KSR2: variants seen among roughly 807,000 people sequenced by gnomAD.
KSR2 encodes the protein kinase suppressor of ras 2.
Under a neutral mutation model 107.8 loss-of-function variants are expected in KSR2, and 25 were observed. The ratio of observed to expected loss-of-function variants is 0.23; its 90% CI spans 0.17 to 0.32. KSR2 has a LOEUF of 0.32. Ranked by LOEUF, KSR2 falls within the 10% of genes least tolerant of loss-of-function variation. The pLI is 1.00. For synonymous variants in KSR2, 480 were observed against 507.0 expected (o/e 0.95, Z 0.71); for missense variants, 887 against 1,268.9 (o/e 0.70, Z 4.57).
intron 2 of KSR2, among the ~76,000 whole-genome samples, chr12:117,858,340 T>C (rs1274619337): frequency 6.6e-6 from 1 of 152,168 alleles, no homozygotes; most frequent in Non-Finnish European, 1.5e-5. Context: ...TGTCTGTCCT[T>C]ATACAGGACC....
At chr12:117,556,990 C>A (rs926211324) in intron 8 of KSR2, among the ~76,000 whole-genome samples, 3 of 152,030 alleles carry the variant, frequency 2.0e-5, no homozygotes, top group Non-Finnish European at 4.4e-5. Flanking sequence ...CATGGTGAAA[C>A]CCTGTCTCTA....
At chr12:117,733,180 T>A (rs1488631791) in intron 4 of KSR2, among the ~76,000 whole-genome samples, 3 of 152,154 alleles carry the variant, frequency 2.0e-5, no homozygotes, top group Non-Finnish European at 2.9e-5. Flanking sequence ...TCTAGGGGGC[T>A]TCCTACTGAC....
chr12:117,520,833 A>G (rs1197983850), intron 14 of KSR2, among the ~76,000 whole-genome samples: 1 of 152,030 alleles, frequency 6.6e-6, no homozygotes, highest in Non-Finnish European at 1.5e-5. Flanking sequence ...GCTGTGTGAT[A>G]GAGTCCCCTG....
chr12:117,730,654 A>G (rs1045729936), intron 4 of KSR2, among the ~76,000 whole-genome samples: 1 of 152,094 alleles, frequency 6.6e-6, no homozygotes, highest in Non-Finnish European at 1.5e-5. Flanking sequence ...GATTGCAGGC[A>G]CGCGCCGCCA....
intron 10 of KSR2, among the ~76,000 whole-genome samples, chr12:117,532,912 C>A (rs542440978): frequency 2.6e-5 from 4 of 152,128 alleles, no homozygotes; most frequent in Non-Finnish European, 4.4e-5. Context: ...GACAAGCCAC[C>A]ACTGGAGTTG....
chr12:117,952,045 G>A (rs1162163589), intron 1 of KSR2, among the ~76,000 whole-genome samples: 1 of 152,084 alleles, frequency 6.6e-6, no homozygotes, highest in Non-Finnish European at 1.5e-5. Flanking sequence ...CAACCTTTCC[G>A]TTATGAGATG....
intron 4 of KSR2, among the ~76,000 whole-genome samples, chr12:117,669,462 G>T (rs374304251): frequency 1.3e-5 from 2 of 152,086 alleles, no homozygotes; most frequent in African/African-American, 4.8e-5. Flanking sequence ...GAATTGTGGT[G>T]AGGCTTGACT....
chr12:117,860,190 G>C, intron 2 of KSR2, 101 bp downstream of exon 2: 1 of 1,229,078 alleles, frequency 8.1e-7, no homozygotes, highest in South Asian at 1.4e-5. Context: ...TATGTGCCAG[G>C]GACTGTGCTG....
chr12:117,571,769 C>T (rs981395259), intron 7 of KSR2, among the ~76,000 whole-genome samples: 10 of 152,104 alleles, frequency 6.6e-5, no homozygotes, highest in African/African-American at 2.4e-4. Flanking sequence ...AATCTAAGGC[C>T]CTGAGAGCAG....
At chr12:117,699,069 C>T (rs546381472) in intron 4 of KSR2, among the ~76,000 whole-genome samples, 6 of 152,306 alleles carry the variant, frequency 3.9e-5, no homozygotes, top group South Asian at 2.1e-4. Flanking sequence ...ATTTAGTGTT[C>T]GGCAATAATC....
chr12:117,751,997 G>C (rs1888628243), intron 4 of KSR2, among the ~76,000 whole-genome samples: 1 of 152,164 alleles, frequency 6.6e-6, no homozygotes, highest in Non-Finnish European at 1.5e-5. Flanking sequence ...ATGATTTGTA[G>C]GTGTGTGCTA....
chr12:117,810,684 C>T (rs540904816), intron 3 of KSR2, among the ~76,000 whole-genome samples: 79 of 152,232 alleles, frequency 5.2e-4, no homozygotes, highest in Admixed American at 9.1e-4. Context: ...CCTAACATTC[C>T]AAGCTAATAT....
intron 3 of KSR2, among the ~76,000 whole-genome samples, chr12:117,853,081 G>A (rs1301585114): frequency 6.6e-6 from 1 of 152,172 alleles, no homozygotes; most frequent in Non-Finnish European, 1.5e-5. Context: ...GGGATTATAG[G>A]TGTGAGCCAC....
At chr12:117,655,237 A>G (rs1884094718) in intron 5 of KSR2, among the ~76,000 whole-genome samples, 1 of 152,186 alleles carries the variant, frequency 6.6e-6, no homozygotes, top group South Asian at 2.1e-4. Context: ...CTTATCCACC[A>G]CCATCATGGT....
intron 1 of KSR2, among the ~76,000 whole-genome samples, chr12:117,950,135 G>A (rs955381141): frequency 5.9e-5 from 9 of 151,846 alleles, no homozygotes; most frequent in South Asian, 2.1e-4. Flanking sequence ...CACCATGGCC[G>A]GCTAATTTTT....
At chr12:117,720,121 G>A (rs183514209) in intron 4 of KSR2, among the ~76,000 whole-genome samples, 1 of 152,186 alleles carries the variant, frequency 6.6e-6, no homozygotes. Flanking sequence ...AGTGCCTGGA[G>A]GAAGTGCAGA....
intron 1 of KSR2, among the ~76,000 whole-genome samples, chr12:117,877,991 A>G (rs1893913634): frequency 6.6e-6 from 1 of 152,172 alleles, no homozygotes; most frequent in Non-Finnish European, 1.5e-5. Flanking sequence ...TTTGTTGTAA[A>G]TATCACAGTT....
intron 4 of KSR2, among the ~76,000 whole-genome samples, chr12:117,748,875 G>A (rs1297432538): frequency 6.6e-6 from 1 of 152,014 alleles, no homozygotes; most frequent in African/African-American, 2.4e-5. Flanking sequence ...GAGATGGAGA[G>A]GTGAGGCAGG....
chr12:117,827,091 G>A (rs897167393), intron 3 of KSR2, among the ~76,000 whole-genome samples: 3 of 150,426 alleles, frequency 2.0e-5, no homozygotes, highest in African/African-American at 7.4e-5. Context: ...TTTTATAGAT[G>A]TGTTCTTGGG....
Sources: allele counts gnomAD v4.1 joint callset (sites outside exome capture counted in the v4.1 genomes callset), GRCh38; gene constraint gnomAD v4.1.1; transcripts MANE v1.5; gene names NCBI Gene and HGNC (gene_info 2026-07-23, HGNC 2026-07-21).